Variants in SLC44A1 observed in about 807,000 individuals in gnomAD.
SLC44A1 encodes the protein choline transporter-like protein 1.
SLC44A1 carries 26 observed loss-of-function variants against 79.3 expected under a neutral mutation model. The ratio of observed to expected loss-of-function variants is 0.33; its 90% CI spans 0.24 to 0.46. SLC44A1 has a LOEUF of 0.46. Ranked by LOEUF, SLC44A1 falls within the 20% of genes least tolerant of loss-of-function variation. SLC44A1 has a pLI of 1.00. For synonymous variants in SLC44A1, 263 were observed against 286.2 expected (o/e 0.92, Z 0.82); for missense variants, 688 against 798.1 (o/e 0.86, Z 1.66).
At chr9:105,415,888 T>C (rs917049597) in intron 15 of SLC44A1, among the ~76,000 whole-genome samples, 11 of 149,262 alleles carry the variant, frequency 7.4e-5, no homozygotes, top group African/African-American at 2.5e-4. Flanking sequence ...TCTGAAAGGA[T>C]TGACTGAATT....
At chr9:105,333,822 A>G (rs1435601138) in intron 3 of SLC44A1, among the ~76,000 whole-genome samples, 2 of 151,856 alleles carry the variant, frequency 1.3e-5, no homozygotes, top group African/African-American at 4.8e-5. Context: ...AAAAAAAAAA[A>G]GAAGTATTCT....
intron 1 of SLC44A1, among the ~76,000 whole-genome samples, chr9:105,296,149 T>C (rs1007713507): frequency 6.6e-6 from 1 of 152,216 alleles, no homozygotes; most frequent in African/African-American, 2.4e-5. Context: ...GTGCATGCTG[T>C]GTGACTGGTG....
chr9:105,343,908 G>A (rs570464162), intron 4 of SLC44A1, among the ~76,000 whole-genome samples: 20 of 152,288 alleles, frequency 1.3e-4, no homozygotes, highest in African/African-American at 4.6e-4. Flanking sequence ...GCCAACAGTG[G>A]TTGACAGACG....
At chr9:105,249,176 T>TA (rs973581510) in intron 1 of SLC44A1, among the ~76,000 whole-genome samples, 3 of 152,228 alleles carry the variant, frequency 2.0e-5, no homozygotes, top group African/African-American at 4.8e-5. Context: ...TTGGGAGTAA[T>TA]AAAAAACAAT....
chr9:105,329,581 C>G (rs961893664), intron 3 of SLC44A1, among the ~76,000 whole-genome samples: 2 of 152,108 alleles, frequency 1.3e-5, no homozygotes, highest in African/African-American at 2.4e-5. Flanking sequence ...CTGGCCATAC[C>G]AGGGTATCAC....
chr9:105,424,236 G>A (rs1417726823), intron 15 of SLC44A1, among the ~76,000 whole-genome samples: 1 of 152,114 alleles, frequency 6.6e-6, no homozygotes, highest in Non-Finnish European at 1.5e-5. Context: ...CCCACCCTAA[G>A]CCTAATACCA....
chr9:105,349,811 C>G (rs1827349981), intron 5 of SLC44A1, among the ~76,000 whole-genome samples: 1 of 152,016 alleles, frequency 6.6e-6, no homozygotes, highest in Admixed American at 6.6e-5. Flanking sequence ...AGCCAGAAAG[C>G]CTGGGTGTGA....
intron 3 of SLC44A1, among the ~76,000 whole-genome samples, chr9:105,318,696 A>G (rs1013137257): frequency 6.6e-6 from 1 of 152,010 alleles, no homozygotes; most frequent in African/African-American, 2.4e-5. Context: ...GCTGTGGAAA[A>G]TACTGCGAGC....
chr9:105,391,082 G>GC lies in SLC44A1; in HGVS notation c.*2026_*2027insC. The GC allele has an allele frequency of 1.0e-6, 1 of 985,826 alleles. No homozygotes were observed. The highest frequency in any genetic ancestry group is 1.7e-5 in the African/African-American group (1 of 57,346). The allele number at this position is 985,826 out of a possible 1,614,324, so 61.1% of individuals were successfully genotyped here. A position where few individuals can be genotyped will look rare whatever the true frequency, so the allele number is the denominator to read the frequency against. The stretch of plus-strand genomic sequence containing the variant: ...GGAACTAAATTTAGAATTGGCAAAA[G>GC]TCTAGAAGATGGGTATCAAAACAGA... On this transcript the variant is annotated 3_prime_UTR_variant, in exon 16 of 16. Transcript: ENST00000374720.
At chr9:105,316,002 A>G (rs1564432674) in intron 3 of SLC44A1, among the ~76,000 whole-genome samples, 1 of 152,232 alleles carries the variant, frequency 6.6e-6, no homozygotes, top group Non-Finnish European at 1.5e-5. Flanking sequence ...TACTAAAATA[A>G]CAAGCGACCT....
At chr9:105,389,010 C>A in intron 15 of SLC44A1, 23 bp from the exon 16 acceptor site, 1 of 1,590,200 alleles carries the variant, frequency 6.3e-7, no homozygotes, top group Non-Finnish European at 8.6e-7. Context: ...TAAGATTATA[C>A]TCTGTATGAC....
At chr9:105,253,956 T>A (rs1248289822) in intron 1 of SLC44A1, among the ~76,000 whole-genome samples, 1 of 152,084 alleles carries the variant, frequency 6.6e-6, no homozygotes, top group African/African-American at 2.4e-5. Flanking sequence ...CTCCTGACCT[T>A]GTGATCTGCC....
chr9:105,424,736 C>T (rs1198187440), intron 15 of SLC44A1, among the ~76,000 whole-genome samples: 6 of 152,032 alleles, frequency 3.9e-5, no homozygotes, highest in African/African-American at 1.2e-4. Context: ...CACTTGAGGT[C>T]GGGAGTTCAA....
intron 15 of SLC44A1, among the ~76,000 whole-genome samples, chr9:105,408,809 T>A (rs1269078235): frequency 6.6e-6 from 1 of 152,212 alleles, no homozygotes; most frequent in Non-Finnish European, 1.5e-5. Context: ...AGATATAATG[T>A]ATGACAATAA....
intron 1 of SLC44A1, among the ~76,000 whole-genome samples, chr9:105,250,931 C>T (rs1172658346): frequency 2.0e-5 from 3 of 152,084 alleles, no homozygotes; most frequent in Non-Finnish European, 4.4e-5. Context: ...TAATAGTACA[C>T]CCAGAGTAGC....
chr9:105,378,548 A>G (rs1828365600), intron 13 of SLC44A1, among the ~76,000 whole-genome samples: 2 of 152,076 alleles, frequency 1.3e-5, no homozygotes, highest in African/African-American at 4.8e-5. Flanking sequence ...GCATTGCCAG[A>G]TTGCTTTCCA....
rs575753512 is a variant in SLC44A1, at chr9:105,348,440, A to G, written c.489A>G (p.Pro163=). ...CTTCTGTTCTCTGCCCCAAACTACCAGTTCCAGCGAGGTAAATTTTATTGC... is the reference window on the plus strand; with the variant it reads ...CTTCTGTTCTCTGCCCCAAACTACCGGTTCCAGCGAGGTAAATTTTATTGC... ...PKSSVLCPKL[P]VPASAPIPFF... is the part of the protein sequence containing the mutation. Residue 163 remains proline, a synonymous_variant, in exon 5 of 16, where the codon CCA becomes CCG. Transcript: ENST00000374720. 6 of 1,599,248 alleles carry G rather than the reference A, an allele frequency of 3.8e-6. No homozygotes were observed. In the Admixed American group the frequency reaches 6.7e-5, roughly 18 times the overall value.
chr9:105,277,751 T>C (rs1411763409), intron 1 of SLC44A1, among the ~76,000 whole-genome samples: 3 of 152,196 alleles, frequency 2.0e-5, no homozygotes, highest in East Asian at 1.9e-4. Context: ...GTCCTTCCCA[T>C]GTAACCAAGT....
rs575344705 is a variant in SLC44A1, at chr9:105,383,191, A to G, written c.1701A>G (p.Val567=). 686 of 1,614,188 alleles carry G rather than the reference A, an allele frequency of 4.2e-4. 11 individuals are homozygous for G. In the South Asian group the frequency reaches 7.0e-3, roughly 16 times the overall value. Residue 567 remains valine, a synonymous_variant, in exon 14 of 16, where the codon GTA becomes GTG. Coordinates refer to ENST00000374720, the MANE Select transcript of SLC44A1 (RefSeq NM_080546.5). ...TCAACTACCAGCAGGACTACACAGT[A>G]TGGGTGCTGCCTCTGATCATCGTCT... ...MLLNYQQDYT[V]WVLPLIIVCL...
Sources: gnomAD v4.1 joint callset for allele counts (sites outside exome capture counted in the v4.1 genomes callset) on GRCh38, gnomAD v4.1.1 for gene constraint, MANE v1.5 for transcripts, NCBI Gene and HGNC (gene_info 2026-07-23, HGNC 2026-07-21) for gene names.